LOC400499: variants seen among roughly 807,000 people sequenced by gnomAD.
chr16:11,484,700 G>C, the LOC400499 span, among the ~76,000 whole-genome samples: 2 of 152,164 alleles, frequency 1.3e-5, no homozygotes, highest in Non-Finnish European at 2.9e-5. Flanking sequence ...TCAAGCAACA[G>C]TTTTTCCAAA....
At chr16:11,510,055 C>G in the LOC400499 span, among the ~76,000 whole-genome samples, 1 of 151,484 alleles carries the variant, frequency 6.6e-6, no homozygotes, top group African/African-American at 2.4e-5. Flanking sequence ...CGTCCTGTGA[C>G]TGCTTCCTAA....
chr16:11,472,182 G>C, the LOC400499 span: 1 of 181,300 alleles, frequency 5.5e-6, no homozygotes, highest in Non-Finnish European at 1.1e-5. Flanking sequence ...GAGAACCCCT[G>C]GTAGACTTTT....
the LOC400499 span, among the ~76,000 whole-genome samples, chr16:11,479,115 G>A: frequency 0.29 from 43,387 of 152,008 alleles, 6,609 homozygotes; most frequent in Admixed American, 0.42. Flanking sequence ...CAAAGTGCCT[G>A]TACTTTGGGA....
At chr16:11,482,025 G>A in the LOC400499 span, among the ~76,000 whole-genome samples, 1 of 152,176 alleles carries the variant, frequency 6.6e-6, no homozygotes, top group East Asian at 1.9e-4. Context: ...TTTATATAAA[G>A]TTTACAAAAG....
the LOC400499 span, among the ~76,000 whole-genome samples, chr16:11,515,498 C>T: frequency 6.6e-6 from 1 of 150,986 alleles, no homozygotes; most frequent in Admixed American, 6.6e-5. Context: ...TACATACATA[C>T]GTACGTACAT....
the LOC400499 span, among the ~76,000 whole-genome samples, chr16:11,458,739 T>C: frequency 7.2e-5 from 11 of 152,090 alleles, no homozygotes; most frequent in Non-Finnish European, 1.5e-4. Flanking sequence ...CCAAAATGGT[T>C]AAAATAGTAA....
chr16:11,393,321 C>T, the LOC400499 span: 4 of 1,143,308 alleles, frequency 3.5e-6, no homozygotes, highest in Non-Finnish European at 4.4e-6. Context: ...AACGCCCAGA[C>T]CCCCGTCCTT....
the LOC400499 span, among the ~76,000 whole-genome samples, chr16:11,393,779 C>T: frequency 4.2e-4 from 64 of 152,148 alleles, no homozygotes; most frequent in Non-Finnish European, 8.5e-4. Flanking sequence ...ACAGAAAGCA[C>T]TTTTGAAAAT....
the LOC400499 span, among the ~76,000 whole-genome samples, chr16:11,464,157 G>C: frequency 9.3e-5 from 5 of 53,820 alleles, no homozygotes; most frequent in South Asian, 3.3e-3. Context: ...TGATGTGTAT[G>C]TGTATGGACA....
chr16:11,483,696 T>C, the LOC400499 span, among the ~76,000 whole-genome samples: 1 of 144,248 alleles, frequency 6.9e-6, no homozygotes, highest in Non-Finnish European at 1.5e-5. Context: ...TGAGACCCTG[T>C]CTGTACAACT....
chr16:11,493,782 C>T, the LOC400499 span: 2 of 387,346 alleles, frequency 5.2e-6, no homozygotes, highest in South Asian at 1.4e-4. Flanking sequence ...CGACTGCCTT[C>T]AGCACAAGCT....
chr16:11,374,917 T>G, the LOC400499 span, among the ~76,000 whole-genome samples: 4 of 152,082 alleles, frequency 2.6e-5, no homozygotes, highest in African/African-American at 9.7e-5. Flanking sequence ...GGTGCGATCT[T>G]AGCTCACTGC....
the LOC400499 span, among the ~76,000 whole-genome samples, chr16:11,491,165 T>C: frequency 6.6e-6 from 1 of 152,132 alleles, no homozygotes; most frequent in African/African-American, 2.4e-5. Context: ...AAGGAAGAGG[T>C]GAAGCTGGGA....
the LOC400499 span, among the ~76,000 whole-genome samples, chr16:11,466,178 T>G: frequency 6.6e-6 from 1 of 152,086 alleles, no homozygotes; most frequent in Non-Finnish European, 1.5e-5. Context: ...TGTGCATAGA[T>G]CATCTCAGAA....
the LOC400499 span, chr16:11,508,791 T>C: frequency 5.0e-6 from 2 of 398,962 alleles, no homozygotes; most frequent in Non-Finnish European, 8.8e-6. Flanking sequence ...CCTGGGATGG[T>C]GTCTCCTCCC....
At chr16:11,387,989 G>A in the LOC400499 span, among the ~76,000 whole-genome samples, 5 of 152,152 alleles carry the variant, frequency 3.3e-5, no homozygotes, top group South Asian at 4.1e-4. Context: ...TAGAGTAGGA[G>A]TCAAGCCTGT....
At chr16:11,385,556 C>T in the LOC400499 span, 18 of 509,748 alleles carry the variant, frequency 3.5e-5, no homozygotes, top group East Asian at 2.1e-4. Flanking sequence ...CCTCCCCTGG[C>T]GCAGCAGCCA....
chr16:11,390,353 G>A, the LOC400499 span: 2 of 1,234,108 alleles, frequency 1.6e-6, no homozygotes, highest in Non-Finnish European at 2.0e-6. Context: ...GGCATCCCGG[G>A]CACCCAGGCC....
chr16:11,460,483 G>C, the LOC400499 span: 1 of 1,522,874 alleles, frequency 6.6e-7, no homozygotes, highest in Non-Finnish European at 8.8e-7. Flanking sequence ...CCACCTTGTG[G>C]CTGAAGGCTA....
Sources: allele counts gnomAD v4.1 joint callset (sites outside exome capture counted in the v4.1 genomes callset), GRCh38; gene constraint gnomAD v4.1.1; transcripts MANE v1.5.